TAF13: variants seen among roughly 807,000 people sequenced by gnomAD.
TAF13 encodes transcription initiation factor TFIID subunit 13.
In TAF13, 9 loss-of-function variants were observed where a neutral mutation model predicts 18.7. The ratio of observed to expected loss-of-function variants is 0.48; its 90% confidence interval spans 0.29 to 0.84. The LOEUF is 0.84. Ranked by LOEUF, TAF13 falls within the 40% of genes least tolerant of loss-of-function variation. The pLI is 0.08. For synonymous variants in TAF13, 49 were observed against 44.1 expected (o/e 1.11, Z -0.44); for missense variants, 105 against 146.5 (o/e 0.72, Z 1.46).
At chr1:109,067,053 C>G (rs1663964030) in intron 2 of TAF13, among the ~76,000 whole-genome samples, 1 of 152,102 alleles carries the variant, frequency 6.6e-6, no homozygotes, top group African/African-American at 2.4e-5. Flanking sequence ...ACAGGGTACT[C>G]AAAATGAGAA....
At chr1:109,075,387 CAA>C (rs1664162632) in intron 1 of TAF13, among the ~76,000 whole-genome samples, 1 of 152,294 alleles carries the variant, frequency 6.6e-6, no homozygotes, top group East Asian at 1.9e-4. Context: ...GATACTGAAT[CAA>C]AGTCTACCTT....
At chr1:109,070,554 G>A (rs111987504) in intron 2 of TAF13, among the ~76,000 whole-genome samples, 2,131 of 150,642 alleles carry the variant, frequency 0.014, 58 homozygotes, top group African/African-American at 0.049. Context: ...CCACCACGCC[G>A]AGCTAATTTT....
At chr1:109,074,343 A>G (rs1482533044) in intron 2 of TAF13, among the ~76,000 whole-genome samples, 2 of 152,180 alleles carry the variant, frequency 1.3e-5, no homozygotes, top group African/African-American at 4.8e-5. Context: ...AGGGCGGTGC[A>G]AGATGTGCTT....
chr1:109,071,797 C>A (rs1664057218), intron 2 of TAF13, among the ~76,000 whole-genome samples: 1 of 150,476 alleles, frequency 6.6e-6, no homozygotes, highest in Admixed American at 6.7e-5. Context: ...ACTAACAATA[C>A]CAAAATTAGC....
intron 2 of TAF13, among the ~76,000 whole-genome samples, chr1:109,071,997 T>C (rs1361094456): frequency 0.033 from 73 of 2,202 alleles, no homozygotes; most frequent in South Asian, 0.095. Context: ...TATATATATA[T>C]ATATATATAT....
rs1664064939 is a variant in TAF13 at position 109,071,960 on chromosome 1, ATATATATATAT to A, written c.106+3016_106+3026del. 5.0e-3 allele frequency among the ~76,000 whole-genome samples: 24 copies of A among 4,782 alleles called. 2 individuals are homozygous for A. In the East Asian group the frequency reaches 0.11, roughly 22 times the overall value. The allele number at this position is 4,782 out of a possible 152,430, so 3.1% of individuals were successfully genotyped here. On this transcript the variant is annotated intron_variant, in intron 2 of 3. Coordinates refer to ENST00000338366, the MANE Select transcript of TAF13 (RefSeq NM_005645.4). ...TGAGACTCTGTCTCAAAAAGAAAAT[ATATATATATAT>A]ATATACACACATATATATATATATA...
At chr1:109,074,628 A>T (rs1664149059) in intron 2 of TAF13, among the ~76,000 whole-genome samples, 1 of 152,164 alleles carries the variant, frequency 6.6e-6, no homozygotes. Context: ...CACACAAAAA[A>T]AATTAGGTGG....
intron 2 of TAF13, among the ~76,000 whole-genome samples, chr1:109,066,469 CCCTA>C (rs1239914828): frequency 1.3e-5 from 2 of 152,124 alleles, no homozygotes; most frequent in Non-Finnish European, 2.9e-5. Flanking sequence ...ACCTACTGAA[CCCTA>C]AGGTAAACAG....
At chr1:109,072,012 AT>A (rs1664073489) in intron 2 of TAF13, among the ~76,000 whole-genome samples, 1 of 2,616 alleles carries the variant, frequency 3.8e-4, no homozygotes, top group Non-Finnish European at 8.9e-4. Context: ...ATATATATAT[AT>A]ACACACACAT....
chr1:109,064,846 T>C (rs1490200928), intron 3 of TAF13, among the ~76,000 whole-genome samples, 153 bp from the exon 4 acceptor site: 1 of 152,160 alleles, frequency 6.6e-6, no homozygotes, highest in Non-Finnish European at 1.5e-5. Flanking sequence ...ACTCATGTCC[T>C]TTGTCTATTT....
chr1:109,068,198 C>G (rs1042166629), intron 2 of TAF13, among the ~76,000 whole-genome samples: 1 of 152,174 alleles, frequency 6.6e-6, no homozygotes, highest in African/African-American at 2.4e-5. Flanking sequence ...TGCAATGGCA[C>G]GATCTCAACT....
intron 3 of TAF13, 80 bp from the exon 4 acceptor site, chr1:109,064,773 G>A: frequency 1.7e-6 from 2 of 1,158,032 alleles, no homozygotes; most frequent in Non-Finnish European, 2.3e-6. Context: ...TTAATTGCAA[G>A]TGAGGTAGAA....
chr1:109,069,135 G>C (rs1239554276), intron 2 of TAF13, among the ~76,000 whole-genome samples: 4 of 152,130 alleles, frequency 2.6e-5, no homozygotes, highest in African/African-American at 7.2e-5. Context: ...TATGTAAATG[G>C]TAAGAAATGC....
chr1:109,072,193 C>A (rs1339585824), intron 2 of TAF13, among the ~76,000 whole-genome samples: 1 of 145,916 alleles, frequency 6.9e-6, no homozygotes, highest in Non-Finnish European at 1.5e-5. Context: ...CACATATAAC[C>A]CAGCCTAAAT....
At chr1:109,065,994 T>C (rs1306963033) in intron 3 of TAF13, 141 bp downstream of exon 3, 1 of 629,610 alleles carries the variant, frequency 1.6e-6, no homozygotes, top group Non-Finnish European at 2.7e-6. Flanking sequence ...CAATGATAAA[T>C]AGTAACCAAT....
chr1:109,068,080 T>C (rs983518028), intron 2 of TAF13, among the ~76,000 whole-genome samples: 2 of 152,080 alleles, frequency 1.3e-5, no homozygotes, highest in Admixed American at 1.3e-4. Flanking sequence ...AGCCTCAACC[T>C]CCCTGGCTCA....
chr1:109,069,189 T>C (rs1409281379), intron 2 of TAF13, among the ~76,000 whole-genome samples: 2 of 148,982 alleles, frequency 1.3e-5, no homozygotes, highest in Non-Finnish European at 3.0e-5. Context: ...TTAGTAGTGA[T>C]TACAAGTGTG....
intron 1 of TAF13, 77 bp downstream of exon 1, chr1:109,075,844 G>C: frequency 2.5e-6 from 4 of 1,593,946 alleles, no homozygotes; most frequent in Admixed American, 3.3e-5. Flanking sequence ...AAGCAGACCC[G>C]ATCCTGAACT....
intron 2 of TAF13, among the ~76,000 whole-genome samples, chr1:109,072,802 A>C: frequency 7.3e-6 from 1 of 136,452 alleles, no homozygotes. Flanking sequence ...TTTTTTTAAG[A>C]CAGAGTCTTG....
Sources: allele counts gnomAD v4.1 joint callset (sites outside exome capture counted in the v4.1 genomes callset), GRCh38; gene constraint gnomAD v4.1.1; transcripts MANE v1.5; gene names NCBI Gene and HGNC (gene_info 2026-07-23, HGNC 2026-07-21).